EFTUD2: variants seen among roughly 807,000 people sequenced by gnomAD.
EFTUD2 encodes 116 kDa U5 small nuclear ribonucleoprotein component.
Under a neutral mutation model 114.3 loss-of-function variants are expected in EFTUD2, and 9 were observed. The observed-to-expected ratio is 0.08, with a 90% CI of 0.05 to 0.14. EFTUD2 has a LOEUF of 0.14. Ranked by LOEUF, EFTUD2 falls within the 10% of genes least tolerant of loss-of-function variation. The pLI, the probability that EFTUD2 is intolerant of heterozygous loss-of-function variation, is 1.00. For synonymous variants in EFTUD2, 449 were observed against 462.3 expected, an observed-to-expected ratio of 0.97 and a Z score of 0.37; for missense variants, 765 against 1,241.2, an observed-to-expected ratio of 0.62 and a Z score of 5.76.
In EFTUD2 at chr17:44,863,233, A is replaced by G. The variant is rs73309173; in HGVS notation, c.1414-327T>C. On this transcript the variant is annotated intron_variant, in intron 15 of 27. Transcript: ENST00000426333. ...CTCTTAAGATGTAACTCAATTCTCA[A>G]CTGGCTGTGTATTTATGATAAGAAA... 1,497 of 269,592 alleles carry G rather than the reference A, an allele frequency of 5.6e-3. 18 individuals carry two copies. Among genetic ancestry groups the G allele is most frequent in the African/African-American group, 0.017 (764 of 45,706 alleles). The allele number at this position is 269,592 out of a possible 1,614,324, so 16.7% of individuals were successfully genotyped here.
intron 10 of EFTUD2, 30 bp downstream of exon 10, chr17:44,875,904 A>T: frequency 6.2e-7 from 1 of 1,605,850 alleles, no homozygotes; most frequent in South Asian, 1.1e-5. Flanking sequence ...GCCTCCGAGG[A>T]CAGGAAATCC....
rs1236860829 is a variant in EFTUD2, at chr17:44,881,670, C to A, written c.528+17G>T. 1 of 1,614,122 alleles carries A rather than the reference C, an allele frequency of 6.2e-7. No homozygotes were observed. Among genetic ancestry groups the A allele is most frequent in the South Asian group, 1.1e-5 (1 of 91,082 alleles). The stretch of plus-strand genomic sequence containing the variant: ...GTCTGGTGTAGGTGACAATCAGATT[C>A]CCCAAGGCATGCTTACCTCTTGCTC... On this transcript the variant is annotated intron_variant, in intron 7 of 27. Transcript: ENST00000426333.
chr17:44,894,582 G>A, intron 1 of EFTUD2, 57 bp from the exon 2 acceptor site: 1 of 1,324,858 alleles, frequency 7.5e-7, no homozygotes. Flanking sequence ...GCCTTCATGT[G>A]GTGGCTCCAC....
intron 14 of EFTUD2, 91 bp downstream of exon 14, chr17:44,864,839 G>A: frequency 3.3e-6 from 5 of 1,534,338 alleles, no homozygotes; most frequent in Non-Finnish European, 4.4e-6. Context: ...TCAGATTTCT[G>A]ACCTCCATCG....
intron 2 of EFTUD2, among the ~76,000 whole-genome samples, chr17:44,890,016 A>AT (rs1471042064): frequency 6.6e-6 from 1 of 151,938 alleles, no homozygotes; most frequent in Non-Finnish European, 1.5e-5. Context: ...TAATTTTTTT[A>AT]TTTTTTTGAG....
chr17:44,894,419 C>T lies in EFTUD2; in HGVS notation c.103G>A (p.Glu35Lys), dbSNP rs1057520674. The change falls in exon 2 of 28, where the codon GAG (glutamate) becomes AAG (lysine). Residue 35 changes from glutamate (E) to lysine (K), a missense_variant and splice_region_variant. Physicochemically the swap from Glu to Lys is moderately conservative, Grantham distance 56. Around this residue, in one of 6 missense-constraint regions of EFTUD2, gnomAD observed 121 missense variants for 133.7 expected, o/e 0.90. Coordinates refer to ENST00000426333, the MANE Select transcript of EFTUD2 (RefSeq NM_004247.4). The stretch of plus-strand genomic sequence containing the variant: ...AAAGAGCAATATATTTGTTTTACCT[C>T]ATCAAGATCTTTGGTCTCTCTACCC... ...ELGRETKDLDEMDDDDDDDDV... is the reference protein window; with the variant it reads ...ELGRETKDLDKMDDDDDDDDV... 6.2e-7 allele frequency: 1 copy of T among 1,604,754 alleles called. No homozygotes were observed. The highest frequency in any genetic ancestry group is 1.3e-5 in the African/African-American group (1 of 74,750).
At chr17:44,881,635 T>C in intron 7 of EFTUD2, 52 bp downstream of exon 7, 2 of 1,596,194 alleles carry the variant, frequency 1.3e-6, no homozygotes, top group Non-Finnish European at 1.7e-6. Context: ...TACAAAACTA[T>C]TACTGGTGGG....
At position 44,888,225 on chromosome 17, in the gene EFTUD2, A is replaced by G. The variant is rs2051211853; in HGVS notation, c.106-1475T>C. ...GGAAGCTGCGATCACATGGGAGGCA[A>G]ACAGACAGGATCTTCTGGACCGCTC... On this transcript the variant is annotated intron_variant, in intron 2 of 27. Coordinates refer to ENST00000426333, the MANE Select transcript of EFTUD2 (RefSeq NM_004247.4). Among the ~76,000 whole-genome samples, 2 of 152,204 alleles carry G rather than the reference A, an allele frequency of 1.3e-5. 1 individual carries two copies. The highest frequency in any genetic ancestry group is 1.3e-4 in the Admixed American group (2 of 15,276).
rs551480576 is a variant in EFTUD2, at chr17:44,885,164, C to G, written c.350+92G>C. On this transcript the variant is annotated intron_variant, in intron 4 of 27. Coordinates refer to ENST00000426333, the MANE Select transcript of EFTUD2 (RefSeq NM_004247.4). ...GAGAGCTATGTACGGCCACAATTTA[C>G]TAGCTATTTCAGCCAAAAGCCACCT... 2.2e-4 allele frequency: 203 copies of G among 939,246 alleles called. 6 individuals carry two copies. In the South Asian group the frequency reaches 2.9e-3, roughly 13 times the overall value. The allele number at this position is 939,246 out of a possible 1,614,324, so 58.2% of individuals were successfully genotyped here.
chr17:44,883,642 G>C lies in EFTUD2; in HGVS notation c.426+7C>G, dbSNP rs771330868. On this transcript the variant is annotated splice_region_variant and intron_variant, in intron 5 of 27. Transcript: ENST00000426333. Reference sequence around the variant, plus strand: ...CCTGTTCCAAGTAGCTGAAAGTTCCGTCTTACCTTGCCATGGTGGAGATGT... The same window carrying C: ...CCTGTTCCAAGTAGCTGAAAGTTCCCTCTTACCTTGCCATGGTGGAGATGT... 1 of 1,613,352 alleles carries C rather than the reference G, an allele frequency of 6.2e-7. No homozygotes were observed. Among genetic ancestry groups the C allele is most frequent in the East Asian group, 2.2e-5 (1 of 44,888 alleles).
intron 10 of EFTUD2, among the ~76,000 whole-genome samples, chr17:44,874,715 A>C (rs1310770788): frequency 6.6e-6 from 1 of 152,130 alleles, no homozygotes; most frequent in African/African-American, 2.4e-5. Flanking sequence ...CATAACCATC[A>C]CTCATATGTA....
chr17:44,861,333 T>C (rs2050655074), intron 16 of EFTUD2, among the ~76,000 whole-genome samples: 1 of 150,586 alleles, frequency 6.6e-6, no homozygotes, highest in Non-Finnish European at 1.5e-5. Flanking sequence ...TAACCCTGGC[T>C]ACTTGGGAGG....
At chr17:44,897,837 T>C (rs1021772580) in intron 1 of EFTUD2, among the ~76,000 whole-genome samples, 1 of 152,190 alleles carries the variant, frequency 6.6e-6, no homozygotes, top group African/African-American at 2.4e-5. Flanking sequence ...AGTGCTGAGA[T>C]TACAGGTGTG....
chr17:44,865,002 T>G lies in EFTUD2; in HGVS notation c.1213A>C (p.Lys405Gln). 6.2e-7 allele frequency: 1 copy of G among 1,614,142 alleles called. No homozygotes were observed. Among genetic ancestry groups the G allele is most frequent in the Non-Finnish European group, 8.5e-7 (1 of 1,180,018 alleles). ...CGGATGTTCAGCTTCAGCTCCTCCT[T>G]CGTCAGGTGGATGCCAAGCTCGTCT... ...TLDELGIHLT[K>Q]EELKLNIRPL... Residue 405 changes from lysine (K) to glutamine (Q), a missense_variant, in exon 14 of 28, where the codon AAG becomes CAG. By Grantham distance (53) the Lys-to-Gln change is moderately conservative. Around this residue, in one of 6 missense-constraint regions of EFTUD2, gnomAD observed 251 missense variants for 357.7 expected, o/e 0.70. Coordinates refer to ENST00000426333, the MANE Select transcript of EFTUD2 (RefSeq NM_004247.4).
rs779021391 is a variant in EFTUD2, at chr17:44,886,649, G to A, written c.207C>T (p.Ala69=). ...LHEDKKYYPT[A]EEVYGPEVET... is the part of the protein sequence containing the mutation. Reference sequence around the variant, plus strand: ...CCACCTCAGGACCATACACCTCCTCGGCTGTTGGGTAGTACTTCTTGTCCT... The same window carrying A: ...CCACCTCAGGACCATACACCTCCTCAGCTGTTGGGTAGTACTTCTTGTCCT... The change falls in exon 3 of 28, where the codon GCC becomes GCT. Residue 69 remains alanine (A), a synonymous_variant. Coordinates refer to ENST00000426333, the MANE Select transcript of EFTUD2 (RefSeq NM_004247.4). 5.0e-6 allele frequency: 8 copies of A among 1,613,952 alleles called. No individual in the cohort carries two copies. Among genetic ancestry groups the A allele is most frequent in the Middle Eastern group, 1.6e-4 (1 of 6,082 alleles).
chr17:44,862,600 C>G, intron 16 of EFTUD2, 113 bp downstream of exon 16: 1 of 1,070,814 alleles, frequency 9.3e-7, no homozygotes, highest in East Asian at 2.6e-5. Context: ...ACTTTATCCC[C>G]TCTTGCACAG....
In EFTUD2 at chr17:44,851,900, T is replaced by G. The variant is rs1050010464; in HGVS notation, c.2716-83A>C. The G allele has an allele frequency of 2.4e-5, 28 of 1,187,332 alleles. No homozygotes were observed. The African/African-American group carries it at 3.9e-4, about 17-fold the overall frequency. 73.5% of individuals were successfully genotyped at this position (1,187,332 alleles called of 1,614,324 possible). On this transcript the variant is annotated intron_variant, in intron 26 of 27. Transcript: ENST00000426333. ...AGAAGCAGGACTCTTCTTATTTATT[T>G]TATTCCTAAATTTATTACTTATTAT...
Position 44,853,613 on chromosome 17 carries a change from C to A in EFTUD2, c.2370G>T (p.Lys790Asn). 1 of 1,614,156 alleles carries A rather than the reference C, an allele frequency of 6.2e-7. No individual in the cohort carries two copies. The highest frequency in any genetic ancestry group is 8.5e-7 in the Non-Finnish European group (1 of 1,180,024). The part of the protein sequence containing the change: ...CDELIRNVKF[K>N]ILDAVVAQEP... Reference sequence around the variant, plus strand: ...CCTGGGCAACCACCGCATCCAGGATCTTAAACTTGACATTCCGAATCACTG... The same window carrying A: ...CCTGGGCAACCACCGCATCCAGGATATTAAACTTGACATTCCGAATCACTG... The change falls in exon 24 of 28, where the codon AAG becomes AAT. Residue 790 changes from lysine to asparagine, a missense_variant. Transcript: ENST00000426333.
intron 2 of EFTUD2, among the ~76,000 whole-genome samples, chr17:44,891,683 A>C (rs1345785108): frequency 6.6e-6 from 1 of 151,992 alleles, no homozygotes; most frequent in Non-Finnish European, 1.5e-5. Context: ...TTTTTTTGTT[A>C]ATAGCTTTAT....
Sources: allele counts gnomAD v4.1 joint callset (sites outside exome capture counted in the v4.1 genomes callset), GRCh38; gene constraint gnomAD v4.1.1; regional missense constraint gnomAD v4.1.1; transcripts MANE v1.5; gene names NCBI Gene and HGNC (gene_info 2026-07-23, HGNC 2026-07-21).